The following DLG2 variants were observed in gnomAD, a reference collection of about 807,000 sequenced individuals.
DLG2 encodes the protein disks large homolog 2.
A neutral mutation model predicts 132.5 loss-of-function variants in DLG2; 45 were observed. The ratio of observed to expected loss-of-function variants is 0.34; its 90% confidence interval spans 0.27 to 0.44. DLG2 has a LOEUF of 0.44. Ranked by LOEUF, DLG2 falls within the 20% of genes least tolerant of loss-of-function variation. The pLI is 1.00. For missense variants in DLG2, 1,045 were observed against 1,196.9 expected, an observed-to-expected ratio of 0.87 and a Z score of 1.87; for synonymous variants, 424 against 419.6, an observed-to-expected ratio of 1.01 and a Z score of -0.13.
intron 18 of DLG2, among the ~76,000 whole-genome samples, chr11:83,672,938 T>C (rs969168359): frequency 2.0e-5 from 3 of 152,188 alleles, no homozygotes; most frequent in Non-Finnish European, 4.4e-5. Context: ...GGCACACACC[T>C]GTAGTCCTAG....
chr11:84,327,799 A>G (rs1374463093), intron 7 of DLG2, among the ~76,000 whole-genome samples: 1 of 152,074 alleles, frequency 6.6e-6, no homozygotes, highest in Admixed American at 6.6e-5. Flanking sequence ...ACTTATGGTT[A>G]TTTTTATACT....
At chr11:83,750,386 G>C (rs1053044528) in intron 18 of DLG2, among the ~76,000 whole-genome samples, 10 of 152,120 alleles carry the variant, frequency 6.6e-5, no homozygotes, top group African/African-American at 2.2e-4. Context: ...TATAGTTAAA[G>C]AGCAGAGTCT....
intron 11 of DLG2, among the ~76,000 whole-genome samples, chr11:84,048,385 T>C (rs2096282491): frequency 6.6e-6 from 1 of 151,568 alleles, no homozygotes; most frequent in Admixed American, 6.6e-5. Context: ...TTTAAAAAAT[T>C]AGCACTAAAA....
intron 9 of DLG2, among the ~76,000 whole-genome samples, chr11:84,119,667 C>T (rs571137490): frequency 1.3e-5 from 2 of 152,064 alleles, no homozygotes; most frequent in East Asian, 3.9e-4. Context: ...TTTTACCTCG[C>T]TCAAACAAGC....
intron 10 of DLG2, among the ~76,000 whole-genome samples, chr11:84,062,189 T>C (rs2096601992): frequency 6.6e-6 from 1 of 152,172 alleles, no homozygotes; most frequent in East Asian, 1.9e-4. Flanking sequence ...CAGATGTTCA[T>C]TCCTGAATAT....
chr11:84,601,068 G>A (rs544341750), intron 6 of DLG2, among the ~76,000 whole-genome samples: 4 of 152,244 alleles, frequency 2.6e-5, no homozygotes, highest in Non-Finnish European at 5.9e-5. Context: ...TAGTGATCTA[G>A]CTATGCTGAA....
rs185089038 is a variant in DLG2 at position 84,977,513 on chromosome 11, T to C, written c.357+134148A>G. Among the ~76,000 whole-genome samples the C allele has an allele frequency of 1.2e-4, 19 of 152,314 alleles. No homozygotes were observed. The East Asian group carries it at 3.1e-3, about 25-fold the overall frequency. ...TCCATTACAGAAAGCATCTAACTGATACCCTTATGCCCTGACCCCTTAGAA... is the reference window on the plus strand; with the variant it reads ...TCCATTACAGAAAGCATCTAACTGACACCCTTATGCCCTGACCCCTTAGAA... On this transcript the variant is annotated intron_variant, in intron 6 of 27. Coordinates refer to ENST00000376104, the MANE Select transcript of DLG2 (RefSeq NM_001142699.3).
chr11:83,733,330 T>G (rs190316682), intron 18 of DLG2, among the ~76,000 whole-genome samples: 1 of 149,080 alleles, frequency 6.7e-6, no homozygotes, highest in Non-Finnish European at 1.5e-5. Flanking sequence ...GCTCTGTGAG[T>G]CACTAATAAA....
rs115064049 is a variant in DLG2 at position 85,334,518 on chromosome 11, T to C, written c.41-49153A>G. The stretch of plus-strand genomic sequence containing the variant: ...TTTTCTCTAGTTTCTCTAGGTATAG[T>C]GTTAGATTCTCAATTTGAGACCTTT... On this transcript the variant is annotated intron_variant, in intron 3 of 27. Transcript: ENST00000376104. Among the ~76,000 whole-genome samples the C allele has an allele frequency of 3.3e-3, 501 of 152,326 alleles. 2 individuals carry two copies. The highest frequency in any genetic ancestry group is 0.012 in the African/African-American group (482 of 41,594).
At chr11:85,535,283 G>A (rs983606271) in intron 3 of DLG2, among the ~76,000 whole-genome samples, 1 of 151,942 alleles carries the variant, frequency 6.6e-6, no homozygotes, top group Admixed American at 6.6e-5. Context: ...AACATTGTAG[G>A]TATTATAAAT....
intron 3 of DLG2, among the ~76,000 whole-genome samples, chr11:85,407,426 C>A (rs1299778176): frequency 5.3e-5 from 8 of 151,740 alleles, no homozygotes; most frequent in Admixed American, 3.3e-4. Flanking sequence ...CAACTACATA[C>A]CCAAGCCTAA....
At chr11:84,786,065 A>T (rs1262984295) in intron 6 of DLG2, among the ~76,000 whole-genome samples, 1 of 152,146 alleles carries the variant, frequency 6.6e-6, no homozygotes, top group African/African-American at 2.4e-5. Context: ...CATTACTTCT[A>T]GCTCTTTTAA....
chr11:83,464,433 G>T (rs567105198), intron 26 of DLG2, among the ~76,000 whole-genome samples: 2 of 152,312 alleles, frequency 1.3e-5, no homozygotes, highest in South Asian at 4.1e-4. Flanking sequence ...TGGCAGCTTT[G>T]CTCCTGGAGT....
chr11:84,734,282 C>G (rs1011734830), intron 6 of DLG2, among the ~76,000 whole-genome samples: 1 of 152,128 alleles, frequency 6.6e-6, no homozygotes, highest in Non-Finnish European at 1.5e-5. Flanking sequence ...ATGGAATGCT[C>G]TTCCATTTGT....
chr11:85,026,156 G>A (rs888073945), intron 6 of DLG2, among the ~76,000 whole-genome samples: 1 of 151,692 alleles, frequency 6.6e-6, no homozygotes, highest in African/African-American at 2.4e-5. Flanking sequence ...CAAACAAAAG[G>A]CAGCAAAAAA....
intron 7 of DLG2, among the ~76,000 whole-genome samples, chr11:84,330,308 T>C (rs1040455650): frequency 9.9e-5 from 15 of 152,216 alleles, no homozygotes; most frequent in African/African-American, 3.1e-4. Context: ...TTTCTGCTTC[T>C]GGGCTAGTTG....
At chr11:84,118,855 A>G (rs1000830293) in intron 9 of DLG2, among the ~76,000 whole-genome samples, 1 of 152,226 alleles carries the variant, frequency 6.6e-6, no homozygotes, top group African/African-American at 2.4e-5. Context: ...AGAACTCACA[A>G]AAAATGTTGT....
intron 3 of DLG2, among the ~76,000 whole-genome samples, chr11:85,583,124 GTGTGTGTATATA>G (rs1352021792): frequency 3.2e-3 from 133 of 41,036 alleles, no homozygotes; most frequent in African/African-American, 9.1e-3. Context: ...GTGTGTGTGT[GTGTGTGTATATA>G]TATATATATA....
At chr11:84,691,902 C>T (rs945181562) in intron 6 of DLG2, among the ~76,000 whole-genome samples, 20 of 151,714 alleles carry the variant, frequency 1.3e-4, no homozygotes, top group African/African-American at 4.6e-4. Context: ...ATACCTTCCT[C>T]CTTCCCTGGT....
Sources: gnomAD v4.1 joint callset for allele counts (sites outside exome capture counted in the v4.1 genomes callset) on GRCh38, gnomAD v4.1.1 for gene constraint, MANE v1.5 for transcripts, NCBI Gene and HGNC (gene_info 2026-07-23, HGNC 2026-07-21) for gene names.